Variants in BICD1 observed in about 807,000 individuals in gnomAD.
The protein encoded by BICD1 is BICD cargo adaptor 1, also known as protein bicaudal D homolog 1.
A neutral mutation model predicts 92.5 loss-of-function variants in BICD1; 35 were observed. That is an observed-to-expected ratio of 0.38 (90% CI 0.29 to 0.50). The LOEUF (loss-of-function observed/expected upper bound fraction) is 0.50. Ranked by LOEUF, BICD1 falls within the 20% of genes least tolerant of loss-of-function variation. The probability of loss-of-function intolerance (pLI) is 0.93; values close to 1 mark genes in which losing one functional copy is unlikely to be tolerated. For missense variants in BICD1, 950 were observed against 1,189.8 expected (o/e 0.80, Z 2.97); for synonymous variants, 429 against 465.1 (o/e 0.92, Z 1.00).
chr12:32,337,700 C>A lies in BICD1; in HGVS notation c.2454C>A (p.Ser818Arg), dbSNP rs752748237. The change falls in exon 7 of 10, where the codon AGC becomes AGA. Residue 818 changes from serine to arginine, a missense_variant. Transcript: ENST00000652176. The surrounding 1 kb of genome is among the most constrained non-coding windows in gnomAD (Gnocchi z 4.7). ...AACTTGGAAAGAGCAAGATCGGCAG[C>A]CCTAAAGTAAGTGGGGAGGCATCAG... ...KGKLGKSKIG[S>R]PKVSGEASVT... 7 of 1,614,168 alleles carry A rather than the reference C, an allele frequency of 4.3e-6. No individual in the cohort carries two copies. The Admixed American group carries it at 5.0e-5, about 12-fold the overall frequency.
intron 1 of BICD1, chr12:32,109,438 G>A (rs1941608185): frequency 6.6e-6 from 1 of 152,088 alleles, no homozygotes; most frequent in Non-Finnish European, 1.5e-5. Context: ...CAGCAGTAAT[G>A]AGAAAAATGT....
intron 1 of BICD1, among the ~76,000 whole-genome samples, chr12:32,124,564 T>C (rs761348497): frequency 2.4e-4 from 37 of 152,116 alleles, no homozygotes; most frequent in Non-Finnish European, 4.9e-4. Context: ...GTGACAATAA[T>C]AGTAATAATA....
chr12:32,271,867 G>T (rs1417035121), intron 2 of BICD1, among the ~76,000 whole-genome samples: 1 of 151,820 alleles, frequency 6.6e-6, no homozygotes, highest in East Asian at 1.9e-4. Flanking sequence ...TTTACTTACT[G>T]CCTGAAGCCA....
chr12:32,255,238 A>C (rs1946684138), intron 2 of BICD1, among the ~76,000 whole-genome samples: 1 of 152,118 alleles, frequency 6.6e-6, no homozygotes, highest in East Asian at 1.9e-4. Context: ...CCATCAGGCC[A>C]CTGATCCCAT....
chr12:32,228,905 G>T (rs1380969974), intron 2 of BICD1, among the ~76,000 whole-genome samples: 1 of 152,158 alleles, frequency 6.6e-6, no homozygotes, highest in Non-Finnish European at 1.5e-5. Flanking sequence ...AGTGAATAGT[G>T]GGTGATAAGG....
chr12:32,213,212 G>A (rs532136557), intron 1 of BICD1, among the ~76,000 whole-genome samples: 273 of 152,218 alleles, frequency 1.8e-3, no homozygotes, highest in African/African-American at 6.3e-3. Context: ...CATCTAGTCC[G>A]GAGGAGTCTT....
chr12:32,160,747 C>T (rs1017787138), intron 1 of BICD1, among the ~76,000 whole-genome samples: 1 of 152,080 alleles, frequency 6.6e-6, no homozygotes, highest in Non-Finnish European at 1.5e-5. Context: ...GTAGATATTC[C>T]TGTTTGTGAC....
chr12:32,358,812 A>G (rs575106715), intron 8 of BICD1, among the ~76,000 whole-genome samples: 21 of 152,198 alleles, frequency 1.4e-4, no homozygotes, highest in Admixed American at 3.3e-4. Flanking sequence ...AATGTATCTC[A>G]TAGAGTTTTT....
intron 1 of BICD1, among the ~76,000 whole-genome samples, chr12:32,182,599 T>C (rs1944309125): frequency 6.6e-6 from 1 of 151,794 alleles, no homozygotes; most frequent in African/African-American, 2.4e-5. Context: ...TACATTTCTT[T>C]TATATGTAAA....
intron 1 of BICD1, among the ~76,000 whole-genome samples, chr12:32,120,894 AG>A (rs1241766557): frequency 1.3e-3 from 39 of 31,030 alleles, no homozygotes; most frequent in African/African-American, 0.012. Context: ...AGAGAGAGAG[AG>A]AAAAAAAAAA....
At chr12:32,254,654 G>A (rs554698356) in intron 2 of BICD1, among the ~76,000 whole-genome samples, 10 of 152,240 alleles carry the variant, frequency 6.6e-5, no homozygotes, top group African/African-American at 2.4e-4. Flanking sequence ...ATTCAATTGG[G>A]ACAGTCGCAT....
At chr12:32,295,732 C>T (rs1257123243) in intron 3 of BICD1, among the ~76,000 whole-genome samples, 1 of 150,796 alleles carries the variant, frequency 6.6e-6, no homozygotes, top group Non-Finnish European at 1.5e-5. Context: ...CAGCTCACTG[C>T]AACCTCCACC....
intron 2 of BICD1, among the ~76,000 whole-genome samples, chr12:32,284,538 A>C (rs548869260): frequency 6.6e-6 from 1 of 151,946 alleles, no homozygotes; most frequent in Non-Finnish European, 1.5e-5. Flanking sequence ...CGTATTCTTC[A>C]TGTCTTCTCT....
rs1940133357 is a variant in BICD1, at chr12:32,380,231, A to C, written c.*2604A>C. 1 of 152,190 alleles carries C rather than the reference A, an allele frequency of 6.6e-6. No individual in the cohort carries two copies. The highest frequency in any genetic ancestry group is 2.4e-5 in the African/African-American group (1 of 41,460). The allele number at this position is 152,190 out of a possible 1,614,324, so 9.4% of individuals were successfully genotyped here. A position where few individuals can be genotyped will look rare whatever the true frequency, so the allele number is the denominator to read the frequency against. ...TTTAGTATAGTTTACACTGAGCCAT[A>C]TTTATTTATAGGCATTTAAAGTGAA... On this transcript the variant is annotated 3_prime_UTR_variant, in exon 10 of 10. Transcript: ENST00000652176.
At chr12:32,260,448 G>A (rs551104032) in intron 2 of BICD1, among the ~76,000 whole-genome samples, 19 of 152,086 alleles carry the variant, frequency 1.2e-4, no homozygotes, top group South Asian at 4.1e-4. Flanking sequence ...CATTTTTTAC[G>A]TAGCTCACAA....
intron 2 of BICD1, among the ~76,000 whole-genome samples, chr12:32,233,426 G>C (rs1209716329): frequency 2.0e-5 from 3 of 151,776 alleles, no homozygotes; most frequent in Non-Finnish European, 2.9e-5. Context: ...ATAAGCAGTG[G>C]AAAGCAGCCT....
rs759328721 is a variant in BICD1, at chr12:32,182,278, C to CTTTTTTTTTTTTTTTTTTTTTTTTTTT, written c.214-33947_214-33946insTTTTTTTTTTTTTTTTTTTTTTTTTTT. ...TTCTTTTTTCTTTCTTTCTTTCTTT[C>CTTTTTTTTTTTTTTTTTTTTTTTTTTT]TTTTTTTTTTTTTTTTTTTTTTGAG... On this transcript the variant is annotated intron_variant, in intron 1 of 9. Transcript: ENST00000652176. Among the ~76,000 whole-genome samples, 26 of 81,430 alleles carry CTTTTTTTTTTTTTTTTTTTTTTTTTTT rather than the reference C, an allele frequency of 3.2e-4. 1 individual carries two copies. The highest frequency in any genetic ancestry group is 4.9e-4 in the Non-Finnish European group (21 of 42,428). 53.4% of individuals were successfully genotyped at this position (81,430 alleles called of 152,430 possible).
In BICD1 at chr12:32,184,574, C is replaced by T. The variant is rs561776117; in HGVS notation, c.214-31673C>T. ...TGCTGGGATTACAGGTGTGAGCCAC[C>T]GCGCCCGGCCAAAATAATTGTTTTC... On this transcript the variant is annotated intron_variant, in intron 1 of 9. Coordinates refer to ENST00000652176, the MANE Select transcript of BICD1 (RefSeq NM_001714.4). 5.3e-5 allele frequency among the ~76,000 whole-genome samples: 8 copies of T among 152,206 alleles called. No individual in the cohort carries two copies. In the East Asian group the frequency reaches 7.7e-4, roughly 15 times the overall value.
chr12:32,379,880 T>C lies in BICD1; in HGVS notation c.*2253T>C, dbSNP rs1592740322. On this transcript the variant is annotated 3_prime_UTR_variant, in exon 10 of 10. Coordinates refer to ENST00000652176, the MANE Select transcript of BICD1 (RefSeq NM_001714.4). ...TCTGTGTGTGATGACGGGGCAGTAT[T>C]GCCAGTCGGCAATGTTGTATTTGCA... 1 of 152,220 alleles carries C rather than the reference T, an allele frequency of 6.6e-6. No individual in the cohort carries two copies. Among genetic ancestry groups the C allele is most frequent in the African/African-American group, 2.4e-5 (1 of 41,466 alleles). The allele number at this position is 152,220 out of a possible 1,614,324, so 9.4% of individuals were successfully genotyped here.
Sources: allele counts gnomAD v4.1 joint callset (sites outside exome capture counted in the v4.1 genomes callset), GRCh38; gene constraint gnomAD v4.1.1; non-coding constraint Gnocchi (gnomAD v3.1); transcripts MANE v1.5; gene names NCBI Gene and HGNC (gene_info 2026-07-23, HGNC 2026-07-21).